The following C4orf46 variants were observed in gnomAD, a reference collection of about 807,000 sequenced individuals.
The protein encoded by C4orf46 is renal cancer differentiation gene 1 protein.
In C4orf46, 8 loss-of-function variants were observed where a neutral mutation model predicts 9.1. That is an observed-to-expected ratio of 0.88 (90% CI 0.52 to 1.59). The LOEUF is 1.59. Among genes scored for constraint, C4orf46 ranks in the 40% most tolerant of loss-of-function variants. The pLI, the probability that C4orf46 is intolerant of heterozygous loss-of-function variation, is 0.00. For missense variants in C4orf46, 151 were observed against 139.1 expected (o/e 1.09, Z -0.43); for synonymous variants, 51 against 58.8 (o/e 0.87, Z 0.61).
rs1355348856 is a variant in C4orf46 at position 158,669,788 on chromosome 4, C to T, written c.187-20G>A. On this transcript the variant is annotated intron_variant, in intron 1 of 1. Transcript: ENST00000379205. ...GGCTGCCTAAAAAAAAAAAGTCAAA[C>T]ATAATTTTATTTTTAAAATTCTCAT... 2 of 1,564,704 alleles carry T rather than the reference C, an allele frequency of 1.3e-6. No individual in the cohort carries two copies. Among genetic ancestry groups the T allele is most frequent in the African/African-American group, 2.8e-5 (2 of 72,252 alleles).
Position 158,671,545 on chromosome 4 carries a change from C to G in C4orf46, c.186+71G>C, listed in dbSNP as rs572116257. On this transcript the variant is annotated intron_variant, in intron 1 of 1. Coordinates refer to ENST00000379205, the MANE Select transcript of C4orf46 (RefSeq NM_001008393.4). The stretch of plus-strand genomic sequence containing the variant: ...GGGGTTGGGGGACCGATTCCCTAGC[C>G]TCGCGAGCCCCGCCGCCGCCGGTCT... The G allele has an allele frequency of 3.7e-5, 51 of 1,387,910 alleles. No individual in the cohort carries two copies. The Middle Eastern group carries it at 1.6e-3, about 42-fold the overall frequency. The allele number at this position is 1,387,910 out of a possible 1,614,324, so 86.0% of individuals were successfully genotyped here.
Position 158,667,545 on chromosome 4 carries a change from A to C in C4orf46, c.*2068T>G, listed in dbSNP as rs1309871581. The C allele has an allele frequency of 1.3e-5, 2 of 152,154 alleles. No individual in the cohort carries two copies. The highest frequency in any genetic ancestry group is 2.9e-5 in the Non-Finnish European group (2 of 68,034). The allele number at this position is 152,154 out of a possible 1,614,324, so 9.4% of individuals were successfully genotyped here. On this transcript the variant is annotated 3_prime_UTR_variant, in exon 2 of 2. Transcript: ENST00000379205. ...ATATCTAAAAACTGACAAGTAAAAA[A>C]AACAACATAGAAAAATGAGCAAAAA...
rs1263781877 is a variant in C4orf46 at position 158,667,781 on chromosome 4, G to A, written c.*1832C>T. ...GCTCAATATCCTGGTAGTTACAAAA[G>A]TCAGCACTGTAAAATGCAGGAGAAG... On this transcript the variant is annotated 3_prime_UTR_variant, in exon 2 of 2. Coordinates refer to ENST00000379205, the MANE Select transcript of C4orf46 (RefSeq NM_001008393.4). 6.6e-6 allele frequency: 1 copy of A among 151,884 alleles called. No homozygotes were observed. Among genetic ancestry groups the A allele is most frequent in the Non-Finnish European group, 1.5e-5 (1 of 67,964 alleles). The allele number at this position is 151,884 out of a possible 1,614,324, so 9.4% of individuals were successfully genotyped here. A position where few individuals can be genotyped will look rare whatever the true frequency, so the allele number is the denominator to read the frequency against.
At chr4:158,671,259 G>C (rs1288581413) in intron 1 of C4orf46, among the ~76,000 whole-genome samples, 1 of 152,244 alleles carries the variant, frequency 6.6e-6, no homozygotes, top group African/African-American at 2.4e-5. Flanking sequence ...TCTCCGATGG[G>C]AAAGGAGGAG....
chr4:158,670,965 C>G (rs2150299156), intron 1 of C4orf46, among the ~76,000 whole-genome samples: 1 of 152,302 alleles, frequency 6.6e-6, no homozygotes, highest in East Asian at 1.9e-4. Context: ...TTAACAGAAA[C>G]TATCCTAAGT....
chr4:158,669,584 G>A lies in C4orf46; in HGVS notation c.*29C>T. The A allele has an allele frequency of 6.2e-7, 1 of 1,606,564 alleles. No homozygotes were observed. ...GACATAAGAAGTATGAATTATTGCA[G>A]TCATTATTAAACAACGAAGTATGCC... is the stretch of plus-strand genomic sequence containing the variant. On this transcript the variant is annotated 3_prime_UTR_variant, in exon 2 of 2. Transcript: ENST00000379205.
In C4orf46 at chr4:158,669,772, A is replaced by G. The variant is rs1773469354; in HGVS notation, c.187-4T>C. 1.3e-6 allele frequency: 2 copies of G among 1,548,968 alleles called. No homozygotes were observed. The highest frequency in any genetic ancestry group is 1.7e-6 in the Non-Finnish European group (2 of 1,146,988). On this transcript the variant is annotated splice_polypyrimidine_tract_variant and splice_region_variant and intron_variant, in intron 1 of 1. Coordinates refer to ENST00000379205, the MANE Select transcript of C4orf46 (RefSeq NM_001008393.4). ...GTTTGGTTAATGAAAAGGCTGCCTA[A>G]AAAAAAAAAGTCAAACATAATTTTA...
chr4:158,671,770 GA>G lies in C4orf46; in HGVS notation c.31del (p.Ser11ArgfsTer25). 1 of 1,554,850 alleles carries G rather than the reference GA, an allele frequency of 6.4e-7. No individual in the cohort carries two copies. Among genetic ancestry groups the G allele is most frequent in the South Asian group, 1.2e-5 (1 of 84,454 alleles). MADPEELQVS[S>X]PPPPPPSSPS... ...AGAAGAGGGAGGCGGCGGGGGCGGC[GA>G]AGAAACCTGCAACTCCTCAGGGTCG... On this transcript the variant is annotated frameshift_variant, in exon 1 of 2. Transcript: ENST00000379205. LOFTEE classifies it high-confidence loss of function.
chr4:158,671,085 G>A (rs1773522983), intron 1 of C4orf46, among the ~76,000 whole-genome samples: 2 of 152,172 alleles, frequency 1.3e-5, no homozygotes, highest in Non-Finnish European at 2.9e-5. Context: ...GCAGGCCTGG[G>A]GCAGACAATG....
At position 158,668,429 on chromosome 4, in the gene C4orf46, CCCCATTGTGGGGCATT is replaced by C. The variant is rs1421138692; in HGVS notation, c.*1168_*1183del. ...CCCATCCATCTGTCCCCTCTCATAGCCCCATTGTGGGGCATTAGAATATAGTTCTGTACCTATCTCC... is the reference window on the plus strand; with the variant it reads ...CCCATCCATCTGTCCCCTCTCATAGCAGAATATAGTTCTGTACCTATCTCC... On this transcript the variant is annotated 3_prime_UTR_variant, in exon 2 of 2. Transcript: ENST00000379205. The C allele has an allele frequency of 6.6e-6, 1 of 152,640 alleles. No individual in the cohort carries two copies. The highest frequency in any genetic ancestry group is 1.5e-5 in the Non-Finnish European group (1 of 68,040). 9.5% of individuals were successfully genotyped at this position (152,640 alleles called of 1,614,324 possible).
intron 1 of C4orf46, among the ~76,000 whole-genome samples, chr4:158,671,269 G>A (rs1005476086): frequency 1.3e-5 from 2 of 152,268 alleles, no homozygotes; most frequent in Non-Finnish European, 2.9e-5. Context: ...GAAAGGAGGA[G>A]GCAGAGAGCC....
At chr4:158,671,261 AAGG>A (rs1362925769) in intron 1 of C4orf46, among the ~76,000 whole-genome samples, 2 of 152,248 alleles carry the variant, frequency 1.3e-5, no homozygotes, top group African/African-American at 4.8e-5. Flanking sequence ...TCCGATGGGA[AAGG>A]AGGAGGCAGA....
chr4:158,669,679 T>C lies in C4orf46; in HGVS notation c.276A>G (p.Ala92=). The C allele has an allele frequency of 1.2e-6, 2 of 1,613,980 alleles. No homozygotes were observed. Among genetic ancestry groups the C allele is most frequent in the Non-Finnish European group, 1.7e-6 (2 of 1,179,920 alleles). ...GGTCCCGCCACGTTTTAAGGAAACG[T>C]GCATTTTCTGTACATTTGAAGGCAA... ...EELAFKCTEN[A]RFLKTWRDLL... The change falls in exon 2 of 2, where the codon GCA becomes GCG. Residue 92 remains alanine, a synonymous_variant. Coordinates refer to ENST00000379205, the MANE Select transcript of C4orf46 (RefSeq NM_001008393.4).
chr4:158,671,159 G>A (rs116040611), intron 1 of C4orf46, among the ~76,000 whole-genome samples: 1,748 of 152,326 alleles, frequency 0.011, 28 homozygotes, highest in African/African-American at 0.037. Context: ...CCCATGGAAA[G>A]AAATCACAGC....
intron 1 of C4orf46, 39 bp downstream of exon 1, chr4:158,671,577 A>G: frequency 7.0e-7 from 1 of 1,436,530 alleles, no homozygotes; most frequent in Non-Finnish European, 9.2e-7. Context: ...GTCTTCCCAG[A>G]GGCGCCGAGG....
At position 158,667,620 on chromosome 4, in the gene C4orf46, T is replaced by C. The variant is rs1204343274; in HGVS notation, c.*1993A>G. On this transcript the variant is annotated 3_prime_UTR_variant, in exon 2 of 2. Transcript: ENST00000379205. Reference sequence around the variant, plus strand: ...GGAGGAGGCGAGATGGGAGGATTGTTTGAGTCCAAGTTTAAGGTTACAGTG... The same window carrying C: ...GGAGGAGGCGAGATGGGAGGATTGTCTGAGTCCAAGTTTAAGGTTACAGTG... 6.6e-6 allele frequency: 1 copy of C among 152,034 alleles called. No individual in the cohort carries two copies. Among genetic ancestry groups the C allele is most frequent in the Non-Finnish European group, 1.5e-5 (1 of 67,998 alleles). The allele number at this position is 152,034 out of a possible 1,614,324, so 9.4% of individuals were successfully genotyped here.
Position 158,669,717 on chromosome 4 carries a change from G to C in C4orf46, c.238C>G (p.Gln80Glu), listed in dbSNP as rs1002527185. ...LLEATSAVSA[Q>E]VEELAFKCTE... ...CATTTGAAGGCAAGTTCTTCCACTT[G>C]AGCTGATACTGCAGATGTGGCTTCA... Residue 80 changes from glutamine (Q) to glutamate (E), a missense_variant, in exon 2 of 2, where the codon CAA becomes GAA. Transcript: ENST00000379205. The C allele has an allele frequency of 1.2e-6, 2 of 1,613,384 alleles. No homozygotes were observed. Among genetic ancestry groups the C allele is most frequent in the African/African-American group, 2.7e-5 (2 of 74,808 alleles).
Position 158,670,023 on chromosome 4 carries a change from C to CTTTTTTTTTTTTTTTTTTTTTTTT in C4orf46, c.187-256_187-255insAAAAAAAAAAAAAAAAAAAAAAAA, listed in dbSNP as rs767110704. ...TATGACAAATCAGTATAGTTGTTTT[C>CTTTTTTTTTTTTTTTTTTTTTTTT]TTTTTTTTTTTTTTTTTTTGAGACG... is the stretch of plus-strand genomic sequence containing the variant. On this transcript the variant is annotated intron_variant, in intron 1 of 1. Coordinates refer to ENST00000379205, the MANE Select transcript of C4orf46 (RefSeq NM_001008393.4). 7.9e-4 allele frequency among the ~76,000 whole-genome samples: 14 copies of CTTTTTTTTTTTTTTTTTTTTTTTT among 17,674 alleles called. 1 individual carries two copies. The highest frequency in any genetic ancestry group is 0.038 in the Middle Eastern group (1 of 26). 11.6% of individuals were successfully genotyped at this position (17,674 alleles called of 152,430 possible). A position where few individuals can be genotyped will look rare whatever the true frequency, so the allele number is the denominator to read the frequency against.
Position 158,671,667 on chromosome 4 carries a change from G to A in C4orf46, c.135C>T (p.Ser45=), listed in dbSNP as rs774495885. The A allele has an allele frequency of 1.9e-6, 3 of 1,607,730 alleles. No homozygotes were observed. The East Asian group carries it at 6.8e-5, about 36-fold the overall frequency. The change falls in exon 1 of 2, where the codon AGC becomes AGT. Residue 45 remains serine, a synonymous_variant. Coordinates refer to ENST00000379205, the MANE Select transcript of C4orf46 (RefSeq NM_001008393.4). ...VSLGWPVPSR[S]SGPTVDQLEE... ...CCAGCTGGTCCACCGTTGGGCCGCTGCTCCTGCTCGGAACTGGCCAGCCCA... is the reference window on the plus strand; with the variant it reads ...CCAGCTGGTCCACCGTTGGGCCGCTACTCCTGCTCGGAACTGGCCAGCCCA...
Sources: allele counts gnomAD v4.1 joint callset (sites outside exome capture counted in the v4.1 genomes callset), GRCh38; gene constraint gnomAD v4.1.1; transcripts MANE v1.5; gene names NCBI Gene and HGNC (gene_info 2026-07-23, HGNC 2026-07-21).